Variants in ACACA observed in about 807,000 individuals in gnomAD.
ACACA encodes acetyl-CoA carboxylase alpha, also known as acetyl-CoA carboxylase 1.
Under a neutral mutation model 296.1 loss-of-function variants are expected in ACACA, and 103 were observed. The observed-to-expected ratio is 0.35, with a 90% CI of 0.30 to 0.41. The LOEUF (loss-of-function observed/expected upper bound fraction) is 0.41, where lower values mean the gene tolerates loss of function less well. Ranked by LOEUF, ACACA falls within the 10% of genes least tolerant of loss-of-function variation. The probability of loss-of-function intolerance (pLI) is 1.00; values close to 1 mark genes in which losing one functional copy is unlikely to be tolerated. For missense variants in ACACA, 1,554 were observed against 2,989.7 expected (o/e 0.52, Z 11.20); for synonymous variants, 953 against 1,038.6 (o/e 0.92, Z 1.58).
intron 3 of ACACA, chr17:37,301,293 C>T (rs2083604785): frequency 2.5e-6 from 2 of 786,646 alleles, no homozygotes; most frequent in African/African-American, 1.9e-5. Flanking sequence ...TATTAGAATA[C>T]AAGAAATAAA....
chr17:37,232,725 T>C (rs943140945), intron 25 of ACACA, among the ~76,000 whole-genome samples: 1 of 152,166 alleles, frequency 6.6e-6, no homozygotes, highest in East Asian at 1.9e-4. Flanking sequence ...AAGAAATTAA[T>C]GACATGAAAG....
At chr17:37,107,390 C>T in intron 52 of ACACA, among the ~76,000 whole-genome samples, 1 of 152,242 alleles carries the variant, frequency 6.6e-6, no homozygotes, top group East Asian at 1.9e-4. Flanking sequence ...GCCCAGGGAA[C>T]AGTCCTTTTC....
chr17:37,260,283 TA>T lies in ACACA; in HGVS notation c.1330-754del, dbSNP rs1294661061. ...ATATATATATATATATATATATATA[TA>T]TATATATATATATTTTTTTTTTTTT... On this transcript the variant is annotated intron_variant, in intron 11 of 55. Coordinates refer to ENST00000616317, the MANE Select transcript of ACACA (RefSeq NM_198834.3). 6.7e-3 allele frequency among the ~76,000 whole-genome samples: 260 copies of T among 38,804 alleles called. 18 individuals are homozygous for T. Among genetic ancestry groups the T allele is most frequent in the East Asian group, 8.8e-3 (6 of 680 alleles). The allele number at this position is 38,804 out of a possible 152,430, so 25.5% of individuals were successfully genotyped here.
intron 1 of ACACA, among the ~76,000 whole-genome samples, chr17:37,395,308 T>G (rs1448825679): frequency 6.6e-6 from 1 of 151,718 alleles, no homozygotes; most frequent in African/African-American, 2.4e-5. Context: ...CAGGCGCCTG[T>G]AATCCCAGCT....
At chr17:37,123,883 C>A (rs1043366943) in intron 48 of ACACA, among the ~76,000 whole-genome samples, 3 of 152,198 alleles carry the variant, frequency 2.0e-5, no homozygotes, top group Non-Finnish European at 4.4e-5. Context: ...TAAAGAACAT[C>A]TTTATCCAAG....
chr17:37,088,258 C>T (rs538889707), intron 55 of ACACA, among the ~76,000 whole-genome samples: 5 of 151,958 alleles, frequency 3.3e-5, no homozygotes, highest in Non-Finnish European at 5.9e-5. Context: ...TAAAAGTATC[C>T]CTATTCTCAG....
intron 16 of ACACA, among the ~76,000 whole-genome samples, chr17:37,250,611 C>T (rs1170971286): frequency 6.6e-6 from 1 of 152,020 alleles, no homozygotes; most frequent in African/African-American, 2.4e-5. Context: ...GCACTCCAGC[C>T]TGGTGACAGA....
At chr17:37,357,756 G>A (rs996815445) in intron 1 of ACACA, among the ~76,000 whole-genome samples, 4 of 152,092 alleles carry the variant, frequency 2.6e-5, no homozygotes, top group Non-Finnish European at 5.9e-5. Flanking sequence ...TGCTCTATTA[G>A]GCCACAATGC....
intron 1 of ACACA, chr17:37,392,563 G>A (rs1173444766): frequency 6.6e-6 from 1 of 152,056 alleles, no homozygotes; most frequent in African/African-American, 2.4e-5. Context: ...ATAAGACAGG[G>A]TGAGGCCCTG....
chr17:37,173,979 AATTTATATATATATATATAT>A (rs2076972654), intron 41 of ACACA, among the ~76,000 whole-genome samples: 5 of 41,868 alleles, frequency 1.2e-4, no homozygotes, highest in African/African-American at 3.9e-4. Flanking sequence ...ACGCCTGGCT[AATTTATATATATATATATAT>A]ATATATATAT....
chr17:37,403,881 C>T (rs2051374260), intron 1 of ACACA, among the ~76,000 whole-genome samples: 1 of 151,702 alleles, frequency 6.6e-6, no homozygotes, highest in Admixed American at 6.6e-5. Context: ...AGGGTTCAAG[C>T]AATTCTTGCG....
rs1159822378 is a variant in ACACA at position 37,190,971 on chromosome 17, A to G, written c.4572+149T>C. 4 of 1,017,458 alleles carry G rather than the reference A, an allele frequency of 3.9e-6. No individual in the cohort carries two copies. In the African/African-American group the frequency reaches 6.5e-5, roughly 17 times the overall value. 63.0% of individuals were successfully genotyped at this position (1,017,458 alleles called of 1,614,324 possible). On this transcript the variant is annotated intron_variant, in intron 38 of 55. Coordinates refer to ENST00000616317, the MANE Select transcript of ACACA (RefSeq NM_198834.3). ...TTTTTGACACTGTCCCAGAAACTCA[A>G]TCTTATAAACATTCTATAAACTTTA...
At chr17:37,121,154 T>C (rs1199886606) in intron 50 of ACACA, among the ~76,000 whole-genome samples, 1 of 152,244 alleles carries the variant, frequency 6.6e-6, no homozygotes, top group Non-Finnish European at 1.5e-5. Context: ...TAGTAGATTA[T>C]TCTGAAATTC....
chr17:37,321,322 T>C (rs1167762907), intron 3 of ACACA, among the ~76,000 whole-genome samples: 5 of 152,242 alleles, frequency 3.3e-5, no homozygotes, highest in Non-Finnish European at 4.4e-5. Flanking sequence ...TTTATATGAA[T>C]TGTGAATGAA....
At chr17:37,176,635 C>G (rs953257344) in intron 41 of ACACA, among the ~76,000 whole-genome samples, 4 of 152,124 alleles carry the variant, frequency 2.6e-5, no homozygotes, top group African/African-American at 9.7e-5. Flanking sequence ...CCTGATAAAA[C>G]TGGGCTCAGC....
At chr17:37,396,005 C>T (rs899080148) in intron 1 of ACACA, among the ~76,000 whole-genome samples, 2 of 152,122 alleles carry the variant, frequency 1.3e-5, no homozygotes, top group African/African-American at 2.4e-5. Context: ...GCCATATTTG[C>T]GTGTGTATTA....
intron 1 of ACACA, among the ~76,000 whole-genome samples, chr17:37,390,065 G>T (rs1437799855): frequency 1.5e-5 from 2 of 136,612 alleles, no homozygotes; most frequent in African/African-American, 5.6e-5. Context: ...GCAGAGGCAG[G>T]AGACTTGCTA....
rs532875342 is a variant in ACACA, at chr17:37,282,241, C to G, written c.610+1026G>C. Among the ~76,000 whole-genome samples the G allele has an allele frequency of 4.6e-5, 7 of 152,268 alleles. No homozygotes were observed. The East Asian group carries it at 7.7e-4, about 17-fold the overall frequency. The stretch of plus-strand genomic sequence containing the variant: ...AGTGTGTGGCACCCTCCCCACAATT[C>G]TCTGTGTTGTTCCTGCTCTGGCTAT... On this transcript the variant is annotated intron_variant, in intron 5 of 55. Transcript: ENST00000616317.
intron 40 of ACACA, 147 bp from the exon 41 acceptor site, chr17:37,179,553 T>A: frequency 3.2e-6 from 3 of 949,488 alleles, no homozygotes; most frequent in Non-Finnish European, 3.2e-6. Flanking sequence ...CCAGCTCCCA[T>A]TCTCAGTTAA....
Sources: allele counts gnomAD v4.1 joint callset (sites outside exome capture counted in the v4.1 genomes callset), GRCh38; gene constraint gnomAD v4.1.1; transcripts MANE v1.5; gene names NCBI Gene and HGNC (gene_info 2026-07-23, HGNC 2026-07-21).